Variants in RIMS2 observed in about 807,000 individuals in gnomAD.
The protein encoded by RIMS2 is regulating synaptic membrane exocytosis 2.
RIMS2 carries 59 observed loss-of-function variants against 174.4 expected under a neutral mutation model. The observed-to-expected ratio is 0.34, with a 90% CI of 0.27 to 0.42. RIMS2 has a LOEUF of 0.42. Ranked by LOEUF, RIMS2 falls within the 10% of genes least tolerant of loss-of-function variation. The probability of loss-of-function intolerance (pLI) is 1.00; values close to 1 mark genes in which losing one functional copy is unlikely to be tolerated. For synonymous variants in RIMS2, 606 were observed against 572.5 expected, an observed-to-expected ratio of 1.06 and a Z score of -0.84; for missense variants, 1,620 against 1,666.3, an observed-to-expected ratio of 0.97 and a Z score of 0.48.
intron 1 of RIMS2, among the ~76,000 whole-genome samples, chr8:103,630,619 A>G (rs1301405918): frequency 6.6e-6 from 1 of 151,152 alleles, no homozygotes; most frequent in Non-Finnish European, 1.5e-5. Context: ...AGATGTCTAC[A>G]TGCTACTTAC....
intron 19 of RIMS2, among the ~76,000 whole-genome samples, chr8:104,213,613 A>C (rs1446137541): frequency 2.0e-5 from 3 of 152,192 alleles, no homozygotes; most frequent in African/African-American, 7.2e-5. Flanking sequence ...GCAGTGGCTG[A>C]TGCCTTTAAT....
At chr8:103,729,825 T>G (rs1157219781) in intron 2 of RIMS2, among the ~76,000 whole-genome samples, 1 of 152,214 alleles carries the variant, frequency 6.6e-6, no homozygotes, top group African/African-American at 2.4e-5. Flanking sequence ...AGGAGCATTA[T>G]TTAATTTCCA....
At chr8:103,983,756 A>G (rs930269547) in intron 16 of RIMS2, among the ~76,000 whole-genome samples, 2 of 152,322 alleles carry the variant, frequency 1.3e-5, no homozygotes, top group Non-Finnish European at 2.9e-5. Context: ...ATTAAAACGG[A>G]TTAAAGACCT....
At chr8:103,629,483 T>C (rs963801847) in intron 1 of RIMS2, among the ~76,000 whole-genome samples, 1 of 152,102 alleles carries the variant, frequency 6.6e-6, no homozygotes, top group African/African-American at 2.4e-5. Flanking sequence ...ACATTTGAAC[T>C]GCAGCCCACA....
At chr8:103,777,134 A>G (rs2098327159) in intron 3 of RIMS2, among the ~76,000 whole-genome samples, 1 of 152,074 alleles carries the variant, frequency 6.6e-6, no homozygotes, top group Admixed American at 6.6e-5. Flanking sequence ...CTAGCACCTC[A>G]CACAGTAATT....
chr8:103,689,967 T>A (rs991216124), intron 1 of RIMS2, among the ~76,000 whole-genome samples: 2 of 151,344 alleles, frequency 1.3e-5, no homozygotes, highest in Non-Finnish European at 2.9e-5. Flanking sequence ...GTCTTTTTTT[T>A]TTTTTTTCTT....
At chr8:104,023,072 CA>C (rs1462326161) in intron 19 of RIMS2, among the ~76,000 whole-genome samples, 1 of 152,048 alleles carries the variant, frequency 6.6e-6, no homozygotes, top group Admixed American at 6.5e-5. Flanking sequence ...TTATGTATCA[CA>C]ATAAAGTTCA....
rs1290727441 is a variant in RIMS2, at chr8:104,167,327, A to G, written c.3335-77589A>G. ...TTACCCATCTCCTCCAGCCACATCC[A>G]TGCCAACATATATTGTTTATTGACT... On this transcript the variant is annotated intron_variant, in intron 19 of 23. Coordinates refer to ENST00000504942, the Ensembl canonical transcript of RIMS2. 1.4e-4 allele frequency among the ~76,000 whole-genome samples: 21 copies of G among 152,260 alleles called. 1 individual carries two copies. In the South Asian group the frequency reaches 4.1e-3, roughly 30 times the overall value.
intron 1 of RIMS2, among the ~76,000 whole-genome samples, chr8:103,520,608 T>A (rs1394589408): frequency 6.6e-6 from 1 of 152,182 alleles, no homozygotes; most frequent in Non-Finnish European, 1.5e-5. Flanking sequence ...AGTATTTTCA[T>A]AACTATTTCA....
At chr8:103,986,797 T>C (rs2094392885) in intron 16 of RIMS2, among the ~76,000 whole-genome samples, 2 of 151,276 alleles carry the variant, frequency 1.3e-5, no homozygotes, top group Non-Finnish European at 2.9e-5. Context: ...CGCTTGTACC[T>C]GGGAGGTGGA....
chr8:104,022,800 A>C (rs1465474967), intron 19 of RIMS2, among the ~76,000 whole-genome samples: 1 of 152,192 alleles, frequency 6.6e-6, no homozygotes, highest in Non-Finnish European at 1.5e-5. Flanking sequence ...CACACTTATA[A>C]ATTTGTTTTT....
chr8:104,201,256 G>T (rs2441907), intron 19 of RIMS2, among the ~76,000 whole-genome samples: 109,609 of 152,082 alleles, frequency 0.72, 40,311 homozygotes, highest in African/African-American at 0.87. Context: ...ATTAGATGTA[G>T]GTGCTTTGTC....
chr8:104,211,054 G>A (rs1040605344), intron 19 of RIMS2, among the ~76,000 whole-genome samples: 5 of 152,092 alleles, frequency 3.3e-5, no homozygotes, highest in Non-Finnish European at 7.3e-5. Flanking sequence ...CCAAACTAGA[G>A]ACACACACCC....
At chr8:104,181,270 A>G (rs917959292) in intron 19 of RIMS2, among the ~76,000 whole-genome samples, 3 of 151,644 alleles carry the variant, frequency 2.0e-5, no homozygotes, top group Admixed American at 1.3e-4. Flanking sequence ...GAAAACATCT[A>G]AACATCCTTA....
chr8:104,191,999 A>G (rs1215861297), intron 19 of RIMS2, among the ~76,000 whole-genome samples: 1 of 152,184 alleles, frequency 6.6e-6, no homozygotes, highest in Admixed American at 6.6e-5. Context: ...TGTTCCCAGA[A>G]GAATTAAGCC....
At chr8:103,739,772 G>A (rs890342356) in intron 2 of RIMS2, among the ~76,000 whole-genome samples, 8 of 152,142 alleles carry the variant, frequency 5.3e-5, no homozygotes, top group Admixed American at 2.6e-4. Flanking sequence ...CTTCTTCAGT[G>A]TGCATTCCAA....
At chr8:103,554,081 T>C (rs1849311023) in intron 1 of RIMS2, among the ~76,000 whole-genome samples, 1 of 152,216 alleles carries the variant, frequency 6.6e-6, no homozygotes. Flanking sequence ...ATGTAAAACC[T>C]GAAACTCTAA....
chr8:104,223,714 C>T (rs774597792), intron 19 of RIMS2: 1 of 1,591,286 alleles, frequency 6.3e-7, no homozygotes, highest in East Asian at 2.3e-5. Flanking sequence ...GCTCCCAGAG[C>T]CGGAGTAGCC....
At chr8:104,025,950 C>G (rs2096248060) in intron 19 of RIMS2, among the ~76,000 whole-genome samples, 1 of 152,022 alleles carries the variant, frequency 6.6e-6, no homozygotes, top group South Asian at 2.1e-4. Flanking sequence ...ATCAAATAGC[C>G]TAGGTATATA....
Sources: allele counts gnomAD v4.1 joint callset (sites outside exome capture counted in the v4.1 genomes callset), GRCh38; gene constraint gnomAD v4.1.1; transcripts MANE v1.5; gene names NCBI Gene and HGNC (gene_info 2026-07-23, HGNC 2026-07-21).